Variants in CHCHD3 observed in about 807,000 individuals in gnomAD.
The protein encoded by CHCHD3 is coiled-coil-helix-coiled-coil-helix domain containing 3, also known as MICOS complex subunit MIC19.
A neutral mutation model predicts 38.2 loss-of-function variants in CHCHD3; 20 were observed. The ratio of observed to expected loss-of-function variants is 0.52; its 90% CI spans 0.37 to 0.76. The LOEUF is 0.76. Among genes scored for constraint, CHCHD3 ranks in the 30% least tolerant of loss-of-function variants. The probability of loss-of-function intolerance (pLI) is 0.00; values close to 1 mark genes in which losing one functional copy is unlikely to be tolerated. For synonymous variants in CHCHD3, 82 were observed against 100.0 expected, an observed-to-expected ratio of 0.82 and a Z score of 1.07; for missense variants, 245 against 279.2, an observed-to-expected ratio of 0.88 and a Z score of 0.87.
At chr7:132,973,865 C>A (rs1811683880) in intron 4 of CHCHD3, 1 of 1,167,410 alleles carries the variant, frequency 8.6e-7, no homozygotes, top group Non-Finnish European at 1.1e-6. Flanking sequence ...GTTCAAAGTT[C>A]TCCATTCCAT....
chr7:132,874,063 G>A (rs192203246), intron 5 of CHCHD3, among the ~76,000 whole-genome samples: 181 of 152,204 alleles, frequency 1.2e-3, no homozygotes, highest in East Asian at 2.1e-3. Context: ...TTTTTGACCC[G>A]CTGAAAATGC....
At chr7:132,863,696 G>A (rs1368888909) in intron 5 of CHCHD3, among the ~76,000 whole-genome samples, 1 of 152,212 alleles carries the variant, frequency 6.6e-6, no homozygotes, top group Non-Finnish European at 1.5e-5. Flanking sequence ...GTTGTTCAGT[G>A]TAGTCACCTT....
intron 4 of CHCHD3, among the ~76,000 whole-genome samples, chr7:132,916,218 T>G (rs1339581340): frequency 6.6e-6 from 1 of 152,214 alleles, no homozygotes; most frequent in African/African-American, 2.4e-5. Context: ...GTTCCACTCT[T>G]CATCCTAATT....
At chr7:132,820,290 T>G (rs1296032557) in intron 6 of CHCHD3, among the ~76,000 whole-genome samples, 1 of 152,206 alleles carries the variant, frequency 6.6e-6, no homozygotes, top group Non-Finnish European at 1.5e-5. Context: ...AAAAATAAGC[T>G]TCATTGTTCT....
Position 132,796,544 on chromosome 7 carries a change from C to T in CHCHD3, c.558G>A (p.Leu186=), listed in dbSNP as rs1447234305. 3.7e-6 allele frequency: 6 copies of T among 1,613,732 alleles called. No individual in the cohort carries two copies. Among genetic ancestry groups the T allele is most frequent in the Non-Finnish European group, 5.1e-6 (6 of 1,179,828 alleles). The change falls in exon 7 of 8, where the codon CTG becomes CTA. Residue 186 remains leucine (L), a synonymous_variant. Coordinates refer to ENST00000262570, the MANE Select transcript of CHCHD3 (RefSeq NM_017812.4). ...RYESHPVCAD[L]QAKILQCYRE... ...GGTAACACTGAAGAATTTTGGCCTG[C>T]AGATCAGCACAGACTGGATGAGACT...
intron 4 of CHCHD3, among the ~76,000 whole-genome samples, chr7:132,914,168 TTA>T (rs1810042847): frequency 4.5e-5 from 5 of 109,966 alleles, no homozygotes; most frequent in African/African-American, 1.6e-4. Flanking sequence ...GTGTGTGTGT[TTA>T]GTAGAGATGG....
intron 3 of CHCHD3, among the ~76,000 whole-genome samples, chr7:132,988,180 A>C (rs147713814): frequency 5.9e-5 from 9 of 152,092 alleles, no homozygotes; most frequent in Non-Finnish European, 1.2e-4. Flanking sequence ...TTCAAGGGTC[A>C]TAAGAAACTT....
intron 2 of CHCHD3, among the ~76,000 whole-genome samples, chr7:133,058,853 AAATTCT>A (rs1814416646): frequency 6.6e-6 from 1 of 152,234 alleles, no homozygotes; most frequent in African/African-American, 2.4e-5. Flanking sequence ...GAGCTAAAGC[AAATTCT>A]AGAGGTTTTC....
At chr7:132,805,338 G>C (rs1806889138) in intron 6 of CHCHD3, among the ~76,000 whole-genome samples, 1 of 151,888 alleles carries the variant, frequency 6.6e-6, no homozygotes, top group Non-Finnish European at 1.5e-5. Flanking sequence ...GGGGTAGTCT[G>C]GGGGGGTTCC....
intron 4 of CHCHD3, among the ~76,000 whole-genome samples, chr7:132,930,618 G>A (rs928076291): frequency 1.3e-5 from 2 of 151,882 alleles, no homozygotes; most frequent in African/African-American, 4.8e-5. Flanking sequence ...TTTCTTCCCC[G>A]CTATCCTTTT....
intron 2 of CHCHD3, among the ~76,000 whole-genome samples, chr7:133,030,383 T>G (rs1206368736): frequency 6.6e-6 from 1 of 152,162 alleles, no homozygotes; most frequent in Non-Finnish European, 1.5e-5. Flanking sequence ...GAACATTTTC[T>G]CAAATAAAAC....
rs1008070979 is a variant in CHCHD3, at chr7:132,972,743, T to G, written c.369+2426A>C. 5 of 985,320 alleles carry G rather than the reference T, an allele frequency of 5.1e-6. No homozygotes were observed. The African/African-American group carries it at 7.0e-5, about 14-fold the overall frequency. 61.0% of individuals were successfully genotyped at this position (985,320 alleles called of 1,614,324 possible). A position where few individuals can be genotyped will look rare whatever the true frequency, so the allele number is the denominator to read the frequency against. ...ATAAATTCCACTTTTATTCCCTAAG[T>G]GCTTTGAGGGCTCTATTTGGCAAAT... On this transcript the variant is annotated intron_variant, in intron 4 of 7. Coordinates refer to ENST00000262570, the MANE Select transcript of CHCHD3 (RefSeq NM_017812.4).
chr7:132,811,308 A>G (rs1807063313), intron 6 of CHCHD3, among the ~76,000 whole-genome samples: 1 of 152,208 alleles, frequency 6.6e-6, no homozygotes, highest in African/African-American at 2.4e-5. Flanking sequence ...AGTGCTATCC[A>G]ACAGTGCTTT....
chr7:132,801,933 G>T (rs1446615937), intron 6 of CHCHD3, among the ~76,000 whole-genome samples: 2 of 152,128 alleles, frequency 1.3e-5, no homozygotes, highest in Non-Finnish European at 2.9e-5. Context: ...GGAAAGCACT[G>T]CCAGCCTTCC....
intron 2 of CHCHD3, among the ~76,000 whole-genome samples, chr7:133,049,129 A>G (rs570172487): frequency 5.3e-5 from 8 of 152,348 alleles, no homozygotes; most frequent in African/African-American, 1.9e-4. Context: ...CTATACAAAC[A>G]TAACACGCAC....
intron 4 of CHCHD3, among the ~76,000 whole-genome samples, chr7:132,963,453 A>G (rs1811375171): frequency 6.7e-6 from 1 of 150,108 alleles, no homozygotes; most frequent in Non-Finnish European, 1.5e-5. Context: ...AACACGGTGA[A>G]ACTCCGTCTC....
intron 2 of CHCHD3, among the ~76,000 whole-genome samples, chr7:133,041,375 C>T (rs1813831975): frequency 6.6e-6 from 1 of 152,180 alleles, no homozygotes; most frequent in African/African-American, 2.4e-5. Context: ...ACCTTTCCTA[C>T]TCTAGTAATT....
intron 2 of CHCHD3, among the ~76,000 whole-genome samples, chr7:133,064,511 A>G (rs1040482648): frequency 1.3e-5 from 2 of 152,246 alleles, no homozygotes; most frequent in African/African-American, 4.8e-5. Flanking sequence ...TGTTATGTCT[A>G]AATGAGCCTT....
chr7:132,861,833 A>C (rs1230838107), intron 5 of CHCHD3, among the ~76,000 whole-genome samples: 1 of 152,202 alleles, frequency 6.6e-6, no homozygotes, highest in East Asian at 1.9e-4. Flanking sequence ...AACCATTTAA[A>C]AATGTATAAA....
Sources: gnomAD v4.1 joint callset for allele counts (sites outside exome capture counted in the v4.1 genomes callset) on GRCh38, gnomAD v4.1.1 for gene constraint, MANE v1.5 for transcripts, NCBI Gene and HGNC (gene_info 2026-07-23, HGNC 2026-07-21) for gene names.